ADGRL2: variants seen among roughly 807,000 people sequenced by gnomAD.
ADGRL2 encodes the protein adhesion G protein-coupled receptor L2.
Under a neutral mutation model 157.4 loss-of-function variants are expected in ADGRL2, and 44 were observed. The ratio of observed to expected loss-of-function variants is 0.28; its 90% CI spans 0.22 to 0.36. ADGRL2 has a LOEUF of 0.36. Ranked by LOEUF, ADGRL2 falls within the 10% of genes least tolerant of loss-of-function variation. The pLI is 1.00. For synonymous variants in ADGRL2, 585 were observed against 624.7 expected (o/e 0.94, Z 0.95); for missense variants, 1,510 against 1,768.9 (o/e 0.85, Z 2.63).
intron 2 of ADGRL2, among the ~76,000 whole-genome samples, chr1:81,530,999 A>G (rs1157588087): frequency 6.6e-6 from 1 of 151,546 alleles, no homozygotes; most frequent in Non-Finnish European, 1.5e-5. Flanking sequence ...CAGAAGGATC[A>G]CTTGAACCTG....
At chr1:81,919,534 C>T (rs2094932427) in intron 3 of ADGRL2, among the ~76,000 whole-genome samples, 1 of 142,894 alleles carries the variant, frequency 7.0e-6, no homozygotes, top group Non-Finnish European at 1.5e-5. Flanking sequence ...TAATAAAAAA[C>T]ATCCTTTAGT....
intron 1 of ADGRL2, among the ~76,000 whole-genome samples, chr1:81,815,425 A>G (rs886089970): frequency 6.6e-6 from 1 of 151,832 alleles, no homozygotes; most frequent in Non-Finnish European, 1.5e-5. Flanking sequence ...TGTACTTTTG[A>G]AAGTATTTGA....
chr1:81,415,068 T>C (rs2077010657), intron 1 of ADGRL2, among the ~76,000 whole-genome samples: 1 of 152,208 alleles, frequency 6.6e-6, no homozygotes, highest in Non-Finnish European at 1.5e-5. Context: ...AACCTGAACA[T>C]TAAAAGCTTG....
At chr1:81,579,982 C>T (rs972051199) in intron 2 of ADGRL2, among the ~76,000 whole-genome samples, 5 of 152,062 alleles carry the variant, frequency 3.3e-5, no homozygotes, top group Non-Finnish European at 5.9e-5. Flanking sequence ...TATAATAAAA[C>T]TATTCAAACT....
intron 3 of ADGRL2, among the ~76,000 whole-genome samples, chr1:81,670,977 T>C (rs1417751597): frequency 6.6e-6 from 1 of 152,208 alleles, no homozygotes; most frequent in African/African-American, 2.4e-5. Context: ...TCCAAAGTGC[T>C]GGGACTACAG....
At chr1:81,348,815 A>G (rs1218420035) in intron 1 of ADGRL2, among the ~76,000 whole-genome samples, 1 of 152,236 alleles carries the variant, frequency 6.6e-6, no homozygotes, top group Non-Finnish European at 1.5e-5. Context: ...ATTACATTAT[A>G]TAAACCAACC....
intron 2 of ADGRL2, among the ~76,000 whole-genome samples, chr1:81,545,465 G>C (rs771115705): frequency 6.6e-6 from 1 of 151,936 alleles, no homozygotes; most frequent in Non-Finnish European, 1.5e-5. Flanking sequence ...ATTTTTAGTA[G>C]AGACAGGGTT....
chr1:81,944,771 T>C (rs979389873), intron 6 of ADGRL2, among the ~76,000 whole-genome samples: 1 of 152,004 alleles, frequency 6.6e-6, no homozygotes, highest in Non-Finnish European at 1.5e-5. Flanking sequence ...CTAATATATT[T>C]TTTCTTCTCT....
At chr1:81,319,833 T>C (rs372578631) in intron 1 of ADGRL2, among the ~76,000 whole-genome samples, 13 of 152,264 alleles carry the variant, frequency 8.5e-5, no homozygotes, top group African/African-American at 2.9e-4. Flanking sequence ...TGCCTCGATG[T>C]TGGTGGCTGC....
intron 1 of ADGRL2, among the ~76,000 whole-genome samples, chr1:81,750,945 C>T (rs2085470677): frequency 6.6e-6 from 1 of 152,132 alleles, no homozygotes. Flanking sequence ...ACACCTACAT[C>T]CCAGATCTTG....
intron 2 of ADGRL2, among the ~76,000 whole-genome samples, chr1:81,558,167 G>C (rs1234851744): frequency 6.6e-6 from 1 of 152,094 alleles, no homozygotes; most frequent in Non-Finnish European, 1.5e-5. Flanking sequence ...GTGCAAAGTA[G>C]AAGTAAATAC....
chr1:81,788,296 G>A (rs980167567), intron 2 of ADGRL2, among the ~76,000 whole-genome samples: 1 of 152,144 alleles, frequency 6.6e-6, no homozygotes, highest in Non-Finnish European at 1.5e-5. Context: ...AGGTGTTTGG[G>A]TCATGGGGGA....
intron 2 of ADGRL2, among the ~76,000 whole-genome samples, chr1:81,478,473 C>T (rs535299863): frequency 2.0e-5 from 3 of 152,280 alleles, no homozygotes; most frequent in East Asian, 1.9e-4. Context: ...TGGAGCTTAT[C>T]GAGACATGTG....
intron 2 of ADGRL2, among the ~76,000 whole-genome samples, chr1:81,869,883 G>A (rs1361699604): frequency 2.0e-5 from 3 of 151,930 alleles, no homozygotes; most frequent in African/African-American, 7.2e-5. Flanking sequence ...TAAGTATTCA[G>A]ATCTCTTTAT....
At chr1:81,563,993 G>A (rs2080503162) in intron 2 of ADGRL2, among the ~76,000 whole-genome samples, 1 of 152,170 alleles carries the variant, frequency 6.6e-6, no homozygotes, top group African/African-American at 2.4e-5. Context: ...TGAGGAAATA[G>A]AGAACTGAAG....
intron 3 of ADGRL2, among the ~76,000 whole-genome samples, chr1:81,605,219 C>T (rs141194184): frequency 1.3e-3 from 199 of 152,204 alleles, no homozygotes; most frequent in African/African-American, 4.7e-3. Flanking sequence ...TCAGCCCTGC[C>T]CCTGGAGATT....
At chr1:81,365,798 C>T (rs1172563664) in intron 1 of ADGRL2, among the ~76,000 whole-genome samples, 3 of 152,118 alleles carry the variant, frequency 2.0e-5, no homozygotes, top group Non-Finnish European at 2.9e-5. Context: ...GTCCTTCATC[C>T]TTGAGTGACA....
At chr1:81,500,993 G>A (rs1336096325) in intron 2 of ADGRL2, among the ~76,000 whole-genome samples, 1 of 152,086 alleles carries the variant, frequency 6.6e-6, no homozygotes, top group African/African-American at 2.4e-5. Context: ...TCCAAATTGT[G>A]GGTCTCGAAT....
intron 1 of ADGRL2, among the ~76,000 whole-genome samples, chr1:81,710,601 C>G (rs927885092): frequency 1.5e-5 from 2 of 132,922 alleles, no homozygotes; most frequent in Non-Finnish European, 3.1e-5. Context: ...GCCTGGGTGA[C>G]AGAGAGAGAC....
Sources: gnomAD v4.1 joint callset for allele counts (sites outside exome capture counted in the v4.1 genomes callset) on GRCh38, gnomAD v4.1.1 for gene constraint, MANE v1.5 for transcripts, NCBI Gene and HGNC (gene_info 2026-07-23, HGNC 2026-07-21) for gene names.